RRBP1: variants seen among roughly 807,000 people sequenced by gnomAD.
RRBP1 encodes ribosome binding protein 1.
Under a neutral mutation model 165.2 loss-of-function variants are expected in RRBP1, and 94 were observed. The observed-to-expected ratio is 0.57, with a 90% CI of 0.48 to 0.68. RRBP1 has a LOEUF of 0.68. Ranked by LOEUF, RRBP1 falls within the 30% of genes least tolerant of loss-of-function variation. RRBP1 has a pLI of 0.00. For synonymous variants in RRBP1, 680 were observed against 714.5 expected (o/e 0.95, Z 0.77); for missense variants, 1,676 against 1,763.0 (o/e 0.95, Z 0.88).
chr20:17,647,211 G>C (rs1008280757), intron 3 of RRBP1, among the ~76,000 whole-genome samples: 7 of 152,240 alleles, frequency 4.6e-5, no homozygotes, highest in African/African-American at 1.7e-4. Context: ...GGCCTGGAAA[G>C]TTAAGTTATA....
At chr20:17,630,616 A>T (rs984111260) in intron 8 of RRBP1, among the ~76,000 whole-genome samples, 1 of 152,192 alleles carries the variant, frequency 6.6e-6, no homozygotes, top group Non-Finnish European at 1.5e-5. Flanking sequence ...AGTGTCAGGC[A>T]GGCTCTGGCA....
chr20:17,640,509 T>TG (rs766765542), intron 5 of RRBP1, among the ~76,000 whole-genome samples: 40 of 152,084 alleles, frequency 2.6e-4, no homozygotes, highest in Non-Finnish European at 5.1e-4. Flanking sequence ...CAGAGCTTGA[T>TG]GGGGGTCCTC....
chr20:17,660,332 T>G lies in RRBP1; in HGVS notation c.176A>C (p.Lys59Thr), dbSNP rs1158443996. ...CTCCACTGTTTTCTCCTTCTTTTTCTTCTCGACTTTCTGGTGGTGAGTTTT... is the reference window on the plus strand; with the variant it reads ...CTCCACTGTTTTCTCCTTCTTTTTCGTCTCGACTTTCTGGTGGTGAGTTTT... The part of the protein sequence containing the change: ...MAKTHHQKVE[K>T]KKKEKTVEKK... The change falls in exon 3 of 25, where the codon AAG becomes ACG. Residue 59 changes from lysine to threonine, a missense_variant. Transcript: ENST00000377813. The G allele has an allele frequency of 6.2e-7, 1 of 1,613,328 alleles. No individual in the cohort carries two copies. The highest frequency in any genetic ancestry group is 1.1e-5 in the South Asian group (1 of 90,904).
rs538675425 is a variant in RRBP1, at chr20:17,618,905, C to A, written c.3676-226G>T. 23 of 542,054 alleles carry A rather than the reference C, an allele frequency of 4.2e-5. No individual in the cohort carries two copies. In the African/African-American group the frequency reaches 4.3e-4, roughly 10 times the overall value. 33.6% of individuals were successfully genotyped at this position (542,054 alleles called of 1,614,324 possible). A position where few individuals can be genotyped will look rare whatever the true frequency, so the allele number is the denominator to read the frequency against. ...GTGTTCACTGCGTACCTCTTTCAGG[C>A]CTTCACAAATGTTTACTGATTATCT... On this transcript the variant is annotated intron_variant, in intron 19 of 24. Coordinates refer to ENST00000377813, the MANE Select transcript of RRBP1 (RefSeq NM_001365613.2).
In RRBP1 at chr20:17,668,908, T is replaced by C. The variant is rs754557509; in HGVS notation, c.-21-8380A>G. ...GTCATCTCTTTCCCTACCTTGTGAA[T>C]GCACTACTATGCATTTTAAAGACTG... is the stretch of plus-strand genomic sequence containing the variant. On this transcript the variant is annotated intron_variant, in intron 2 of 24. Coordinates refer to ENST00000377813, the MANE Select transcript of RRBP1 (RefSeq NM_001365613.2). 3.9e-5 allele frequency among the ~76,000 whole-genome samples: 6 copies of C among 152,320 alleles called. 1 individual carries two copies. The Middle Eastern group carries it at 0.01, about 259-fold the overall frequency.
At chr20:17,644,431 A>G (rs543235247) in intron 3 of RRBP1, among the ~76,000 whole-genome samples, 8 of 152,210 alleles carry the variant, frequency 5.3e-5, no homozygotes, top group Non-Finnish European at 1.2e-4. Context: ...AAAGAAAATA[A>G]AAACATGCAT....
In RRBP1 at chr20:17,616,002, G is replaced by A. The variant is rs759611289; in HGVS notation, c.3875C>T (p.Thr1292Met). ...GATGGCTTCTGTCCACTCCAGCTGC[G>A]TCTTCAGCTGTGCAAACACCGCAAA... ...PAEQDPVQLKTQLEWTEAILE... is the reference protein window; with the variant it reads ...PAEQDPVQLKMQLEWTEAILE... Residue 1292 changes from threonine to methionine, a missense_variant, in exon 22 of 25, where the codon ACG becomes ATG. Transcript: ENST00000377813. The A allele has an allele frequency of 1.2e-5, 20 of 1,605,422 alleles. No homozygotes were observed. Among genetic ancestry groups the A allele is most frequent in the Middle Eastern group, 1.6e-4 (1 of 6,076 alleles).
rs1186505766 is a variant in RRBP1 at position 17,643,741 on chromosome 20, G to T, written c.1913-614C>A. 6.6e-6 allele frequency among the ~76,000 whole-genome samples: 1 copy of T among 152,166 alleles called. No homozygotes were observed. Among genetic ancestry groups the T allele is most frequent in the East Asian group, 1.9e-4 (1 of 5,194 alleles). ...AGTGACAGGGTTTGGGAGAGGGAAGGCTGGCTGGGTTCTTATAGAAAGGGC... is the reference window on the plus strand; with the variant it reads ...AGTGACAGGGTTTGGGAGAGGGAAGTCTGGCTGGGTTCTTATAGAAAGGGC... On this transcript the variant is annotated intron_variant, in intron 3 of 24. Transcript: ENST00000377813. This position sits in a 1 kb window ranked among gnomAD's most constrained non-coding sequence, Gnocchi z 4.3.
intron 8 of RRBP1, among the ~76,000 whole-genome samples, chr20:17,631,866 C>T (rs77092188): frequency 0.022 from 3,410 of 152,348 alleles, 140 homozygotes; most frequent in African/African-American, 0.075. Context: ...ATGGAAAGAG[C>T]CCCATTTTCA....
intron 3 of RRBP1, among the ~76,000 whole-genome samples, chr20:17,653,476 C>T (rs1415368920): frequency 1.3e-5 from 2 of 152,250 alleles, no homozygotes; most frequent in African/African-American, 4.8e-5. Flanking sequence ...AATACGTGTG[C>T]TAAAGAATAA....
rs559042880 is a variant in RRBP1 at position 17,659,511 on chromosome 20, C to T, written c.997G>A (p.Glu333Lys). Residue 333 changes from glutamate (E) to lysine (K), a missense_variant, in exon 3 of 25, where the codon GAG (glutamate) becomes AAG (lysine). Coordinates refer to ENST00000377813, the MANE Select transcript of RRBP1 (RefSeq NM_001365613.2). ...EGAQNQGKKA[E>K]GAQNQGKKAE... ...TTCTTGCCCTGATTCTGGGCCCCCT[C>T]GGCCTTCTTGCCCTGGTTCTGGGCC... The T allele has an allele frequency of 2.9e-4, 454 of 1,547,088 alleles. No individual in the cohort carries two copies. The African/African-American group carries it at 5.5e-3, about 19-fold the overall frequency.
chr20:17,624,759 T>A, intron 12 of RRBP1, 91 bp from the exon 13 acceptor site: 1 of 892,252 alleles, frequency 1.1e-6, no homozygotes, highest in Non-Finnish European at 1.8e-6. Context: ...CCAGAGACCC[T>A]CCTTGATGCC....
chr20:17,628,540 A>G (rs1048538993), intron 9 of RRBP1, among the ~76,000 whole-genome samples: 2 of 152,176 alleles, frequency 1.3e-5, no homozygotes, highest in African/African-American at 4.8e-5. Context: ...AGAAGCGCAC[A>G]TGAGACGACT....
rs1223753625 is a variant in RRBP1 at position 17,636,617 on chromosome 20, T to C, written c.2297A>G (p.Tyr766Cys). ...CTGCACCTCCTTCACGTGCTCCCGG[T>C]AGCTGGCCTGCATGCGTGCCTGCAC... ...TAVQARMQAS[Y>C]REHVKEVQQL... The change falls in exon 6 of 25, where the codon TAC (tyrosine) becomes TGC (cysteine). Residue 766 changes from tyrosine (Y) to cysteine (C), a missense_variant. By Grantham distance (194) the Tyr-to-Cys change is radical. This residue lies in a region of RRBP1 where 1,184 missense variants were observed against 1,167.1 expected (regional missense o/e 1.01). Coordinates refer to ENST00000377813, the MANE Select transcript of RRBP1 (RefSeq NM_001365613.2). The C allele has an allele frequency of 1.9e-6, 3 of 1,612,702 alleles. No homozygotes were observed. The highest frequency in any genetic ancestry group is 2.5e-6 in the Non-Finnish European group (3 of 1,180,004).
At chr20:17,675,683 C>T (rs549924834) in intron 2 of RRBP1, among the ~76,000 whole-genome samples, 83 of 152,236 alleles carry the variant, frequency 5.5e-4, no homozygotes, top group Admixed American at 1.1e-3. Context: ...CGCAAAGGCC[C>T]GGAGGCAGAA....
chr20:17,640,941 C>G (rs945937704), intron 5 of RRBP1, among the ~76,000 whole-genome samples: 1 of 152,250 alleles, frequency 6.6e-6, no homozygotes, highest in Non-Finnish European at 1.5e-5. Flanking sequence ...AGGCCCTCCC[C>G]CTGCGCCCGC....
At position 17,627,619 on chromosome 20, in the gene RRBP1, C is replaced by T. The variant is rs1270266763; in HGVS notation, c.2813G>A (p.Gly938Asp). 6.2e-6 allele frequency: 10 copies of T among 1,613,354 alleles called. No individual in the cohort carries two copies. Among genetic ancestry groups the T allele is most frequent in the Non-Finnish European group, 8.5e-6 (10 of 1,179,836 alleles). Residue 938 changes from glycine (G) to aspartate (D), a missense_variant, in exon 10 of 25, where the codon GGC (glycine) becomes GAC (aspartate). Transcript: ENST00000377813. ...GGCCTCCTGGAGCTGCCCGTGGAGG[C>T]CACTCAGCTCCTCGCATTTGCTGCG... Reference protein sequence around the residue: ...EVRSKCEELSGLHGQLQEARA... With the variant: ...EVRSKCEELSDLHGQLQEARA...
chr20:17,615,842 C>G, intron 22 of RRBP1, 84 bp downstream of exon 22: 1 of 1,204,982 alleles, frequency 8.3e-7, no homozygotes, highest in East Asian at 2.4e-5. Context: ...CACAGCCGAG[C>G]GGGGCAGGGC....
intron 2 of RRBP1, among the ~76,000 whole-genome samples, chr20:17,677,372 G>A (rs941407180): frequency 2.6e-5 from 4 of 152,040 alleles, no homozygotes; most frequent in Non-Finnish European, 5.9e-5. Flanking sequence ...AGTCTTAGTG[G>A]GCCTCCTTTC....
Sources: allele counts gnomAD v4.1 joint callset (sites outside exome capture counted in the v4.1 genomes callset), GRCh38; gene constraint gnomAD v4.1.1; regional missense constraint gnomAD v4.1.1; non-coding constraint Gnocchi (gnomAD v3.1); transcripts MANE v1.5; gene names NCBI Gene and HGNC (gene_info 2026-07-23, HGNC 2026-07-21).